NRXN3: variants seen among roughly 807,000 people sequenced by gnomAD.
NRXN3 encodes neurexin III.
A neutral mutation model predicts 137.6 loss-of-function variants in NRXN3; 32 were observed. The observed-to-expected ratio is 0.23, with a 90% CI of 0.18 to 0.31. NRXN3 has a LOEUF of 0.31. Ranked by LOEUF, NRXN3 falls within the 10% of genes least tolerant of loss-of-function variation. The probability of loss-of-function intolerance (pLI) is 1.00; values close to 1 mark genes in which losing one functional copy is unlikely to be tolerated. For missense variants in NRXN3, 1,574 were observed against 2,062.5 expected, an observed-to-expected ratio of 0.76 and a Z score of 4.59; for synonymous variants, 798 against 784.5, an observed-to-expected ratio of 1.02 and a Z score of -0.29.
intron 6 of NRXN3, among the ~76,000 whole-genome samples, chr14:78,692,633 G>A (rs1213398857): frequency 1.3e-5 from 2 of 152,178 alleles, no homozygotes; most frequent in African/African-American, 4.8e-5. Flanking sequence ...GGAGTCAGAT[G>A]GACTTGAGTT....
chr14:78,965,921 G>A, intron 11 of NRXN3, 104 bp from the exon 12 acceptor site: 1 of 1,302,862 alleles, frequency 7.7e-7, no homozygotes, highest in Non-Finnish European at 1.1e-6. Flanking sequence ...CAAGAAAGCT[G>A]AATATTCTGT....
At chr14:78,255,852 G>A (rs2069491714) in intron 2 of NRXN3, among the ~76,000 whole-genome samples, 1 of 152,214 alleles carries the variant, frequency 6.6e-6, no homozygotes, top group African/African-American at 2.4e-5. Context: ...TCCCTAATGT[G>A]TGGTGGATGG....
Position 78,858,041 on chromosome 14 carries a change from C to T in NRXN3, c.2275+47697C>T, listed in dbSNP as rs148748096. Among the ~76,000 whole-genome samples, 209 of 152,206 alleles carry T rather than the reference C, an allele frequency of 1.4e-3. 1 individual carries two copies. Among genetic ancestry groups the T allele is most frequent in the Non-Finnish European group, 1.5e-3 (101 of 68,018 alleles). ...ATGCTGTGAAAAGAAGGTACACTTACGAAGGAAAGTTTCTGAAAATAAACC... is the reference window on the plus strand; with the variant it reads ...ATGCTGTGAAAAGAAGGTACACTTATGAAGGAAAGTTTCTGAAAATAAACC... On this transcript the variant is annotated intron_variant, in intron 10 of 20. Transcript: ENST00000335750.
chr14:79,768,967 G>A (rs561022309), intron 19 of NRXN3, among the ~76,000 whole-genome samples: 19 of 151,778 alleles, frequency 1.3e-4, no homozygotes, highest in South Asian at 2.1e-4. Flanking sequence ...CGAGAACTAC[G>A]TGAAGAACGC....
chr14:78,450,740 G>C (rs1598830989), intron 4 of NRXN3, among the ~76,000 whole-genome samples: 2 of 152,280 alleles, frequency 1.3e-5, no homozygotes, highest in Middle Eastern at 6.8e-3. Flanking sequence ...TTTTCCAGTA[G>C]ATTGAAAGCA....
intron 1 of NRXN3, among the ~76,000 whole-genome samples, chr14:78,225,060 C>A (rs943580892): frequency 6.6e-5 from 10 of 152,146 alleles, no homozygotes; most frequent in Admixed American, 4.6e-4. Flanking sequence ...GCCACCGCAC[C>A]CGGCCGCATG....
At chr14:78,530,233 T>C (rs965178970) in intron 4 of NRXN3, among the ~76,000 whole-genome samples, 2 of 152,198 alleles carry the variant, frequency 1.3e-5, no homozygotes, top group Non-Finnish European at 2.9e-5. Context: ...CAGAGTCAGC[T>C]TATTTGGAGA....
At chr14:78,295,639 T>C (rs754626368) in intron 3 of NRXN3, among the ~76,000 whole-genome samples, 1 of 152,186 alleles carries the variant, frequency 6.6e-6, no homozygotes, top group Non-Finnish European at 1.5e-5. Context: ...CTTGGGCAAC[T>C]TGTTTAAAAT....
At chr14:79,231,060 CT>C (rs1288409683) in intron 15 of NRXN3, among the ~76,000 whole-genome samples, 1 of 152,100 alleles carries the variant, frequency 6.6e-6, no homozygotes, top group East Asian at 1.9e-4. Context: ...AAACTAAGGA[CT>C]TTCTCACTCC....
At chr14:79,314,154 C>G (rs1482916415) in intron 15 of NRXN3, 2 of 149,144 alleles carry the variant, frequency 1.3e-5, no homozygotes, top group South Asian at 2.2e-4. Flanking sequence ...TCTGAGGTAC[C>G]GGGTTCATCT....
chr14:79,801,967 TTAG>T (rs892881581), intron 19 of NRXN3, among the ~76,000 whole-genome samples: 10 of 151,356 alleles, frequency 6.6e-5, no homozygotes, highest in African/African-American at 2.2e-4. Flanking sequence ...GGAGAGAAAC[TTAG>T]TAGTATGAGA....
chr14:79,380,179 T>A (rs1239851787), intron 15 of NRXN3, among the ~76,000 whole-genome samples: 1 of 148,498 alleles, frequency 6.7e-6, no homozygotes, highest in African/African-American at 2.5e-5. Context: ...GTAGATATAT[T>A]TATTTATTTA....
At chr14:79,808,120 C>CCCAGCTACTCGGGAGGCTGA (rs1395872298) in intron 20 of NRXN3, among the ~76,000 whole-genome samples, 1 of 151,792 alleles carries the variant, frequency 6.6e-6, no homozygotes, top group Non-Finnish European at 1.5e-5. Context: ...CGCCTGTAGT[C>CCCAGCTACTCGGGAGGCTGA]CCAGCTACTC....
At chr14:79,846,334 T>TA (rs1014462274) in intron 20 of NRXN3, among the ~76,000 whole-genome samples, 4 of 152,326 alleles carry the variant, frequency 2.6e-5, no homozygotes, top group Admixed American at 6.5e-5. Context: ...ATGTCCCATG[T>TA]AAAAAATTCA....
At chr14:79,225,442 TAA>T (rs963187177) in intron 15 of NRXN3, among the ~76,000 whole-genome samples, 6 of 152,146 alleles carry the variant, frequency 3.9e-5, no homozygotes, top group Admixed American at 3.9e-4. Context: ...GATATAATCC[TAA>T]AAGTTAGGGA....
At chr14:78,438,026 G>C (rs2094129780) in intron 4 of NRXN3, among the ~76,000 whole-genome samples, 1 of 152,082 alleles carries the variant, frequency 6.6e-6, no homozygotes, top group African/African-American at 2.4e-5. Context: ...TGTGGGGTGT[G>C]GTGATGGGGC....
At chr14:79,691,916 C>G (rs114182639) in intron 17 of NRXN3, among the ~76,000 whole-genome samples, 1 of 151,966 alleles carries the variant, frequency 6.6e-6, no homozygotes, top group African/African-American at 2.4e-5. Flanking sequence ...AATCCATTTC[C>G]GTAAACGGCC....
At chr14:79,127,874 C>T (rs2056795597) in intron 15 of NRXN3, among the ~76,000 whole-genome samples, 1 of 151,576 alleles carries the variant, frequency 6.6e-6, no homozygotes, top group Non-Finnish European at 1.5e-5. Context: ...TGTAGTTCTC[C>T]TTGAAGAGGT....
intron 4 of NRXN3, among the ~76,000 whole-genome samples, chr14:78,356,686 G>A (rs983454978): frequency 2.0e-5 from 3 of 152,182 alleles, no homozygotes; most frequent in Non-Finnish European, 2.9e-5. Flanking sequence ...ATCAGAGTGG[G>A]CAGTTTTTGG....
Sources: allele counts gnomAD v4.1 joint callset (sites outside exome capture counted in the v4.1 genomes callset), GRCh38; gene constraint gnomAD v4.1.1; transcripts MANE v1.5; gene names NCBI Gene and HGNC (gene_info 2026-07-23, HGNC 2026-07-21).